The following ZIC3 variants were observed in gnomAD, a reference collection of about 807,000 sequenced individuals.
ZIC3 encodes the protein Zic family zinc finger 3, also known as zinc finger protein ZIC 3.
Under a neutral mutation model 18.3 loss-of-function variants are expected in ZIC3, and 6 were observed. The observed-to-expected ratio is 0.33, with a 90% confidence interval of 0.18 to 0.65. The LOEUF (loss-of-function observed/expected upper bound fraction) is 0.65. Among genes scored for constraint, ZIC3 ranks in the 30% least tolerant of loss-of-function variants. The probability of loss-of-function intolerance (pLI) is 0.75; values close to 1 mark genes in which losing one functional copy is unlikely to be tolerated. For synonymous variants in ZIC3, 175 were observed against 177.0 expected, an observed-to-expected ratio of 0.99 and a Z score of 0.09; for missense variants, 260 against 410.0, an observed-to-expected ratio of 0.63 and a Z score of 3.16.
rs1931445928 is a variant in ZIC3, at chrX:137,571,983, C to G, written c.*1913C>G. Among the ~76,000 whole-genome samples, 2 of 112,034 alleles carry G rather than the reference C, an allele frequency of 1.8e-5. No homozygotes were observed. The highest frequency in any genetic ancestry group is 7.5e-4 in the South Asian group (2 of 2,664). ...TAAGTACCTCCTTTAAGGGGCAATG[C>G]TCTAGGTTTTTGGTGGCAGTCAATT... is the stretch of plus-strand genomic sequence containing the variant. On this transcript the variant is annotated 3_prime_UTR_variant, in exon 3 of 3. Transcript: ENST00000287538.
chrX:137,574,488 G>GCCCCAACCCCTCC (rs1442089012), downstream of ZIC3, among the ~76,000 whole-genome samples: 5 of 113,455 alleles, frequency 4.4e-5, no homozygotes, highest in African/African-American at 1.6e-4. Context: ...TCCGGCCGGG[G>GCCCCAACCCCTCC]CCCCAACCCC....
chrX:137,572,256 A>G (rs1464060008), downstream of ZIC3, among the ~76,000 whole-genome samples: 5 of 112,624 alleles, frequency 4.4e-5, no homozygotes, highest in African/African-American at 1.6e-4. Flanking sequence ...TTGTCAACAG[A>G]CAATTAGTTA....
chrX:137,566,958 CCACCACCAT>C lies in ZIC3; in HGVS notation c.273_281del (p.His95_His97del), dbSNP rs987869284. The C allele has an allele frequency of 8.6e-7, 1 of 1,167,188 alleles. No individual in the cohort carries two copies. On this transcript the variant is annotated inframe_deletion, in exon 1 of 3. Transcript: ENST00000287538. ...ACGCCAACGCCCTGGGCCACCATCA[CCACCACCAT>C]CACCATCATCACCACACCAGCCAGG...
chrX:137,576,576 T>A (rs925072584), downstream of ZIC3, among the ~76,000 whole-genome samples: 1 of 112,573 alleles, frequency 8.9e-6, no homozygotes, highest in Non-Finnish European at 1.9e-5. Context: ...GGTTTGATTC[T>A]GTCATAACCA....
At chrX:137,568,620 T>TC (rs1931390905) in intron 1 of ZIC3, among the ~76,000 whole-genome samples, 1 of 111,188 alleles carries the variant, frequency 9.0e-6, no homozygotes, top group Non-Finnish European at 1.9e-5. Flanking sequence ...AGGGGAAACT[T>TC]CGGAGGAGCC....
chrX:137,566,196 A>C lies in ZIC3; in HGVS notation c.-496A>C. On this transcript the variant is annotated 5_prime_UTR_variant, in exon 1 of 3. Coordinates refer to ENST00000287538, the MANE Select transcript of ZIC3 (RefSeq NM_003413.4). ...GCGCGGCGAGCGGCAAGCGGCGAGT[A>C]ACGAGCCTGCCTACTGCCCGCTGCC... The C allele has an allele frequency of 6.7e-6, 1 of 149,917 alleles. No individual in the cohort carries two copies. Among genetic ancestry groups the C allele is most frequent in the Non-Finnish European group, 1.3e-5 (1 of 78,001 alleles). 12.4% of individuals were successfully genotyped at this position (149,917 alleles called of 1,213,427 possible). A position where few individuals can be genotyped will look rare whatever the true frequency, so the allele number is the denominator to read the frequency against.
At chrX:137,574,687 C>G (rs952693789), downstream of ZIC3, among the ~76,000 whole-genome samples, 1 of 108,152 alleles carries the variant, frequency 9.2e-6, no homozygotes, top group African/African-American at 3.3e-5. Flanking sequence ...GCCGCGGCCT[C>G]GGTCGAGCTG....
In ZIC3 at chrX:137,571,852, CT is replaced by C. The variant is rs895974730; in HGVS notation, c.*1788del. On this transcript the variant is annotated 3_prime_UTR_variant, in exon 3 of 3. Coordinates refer to ENST00000287538, the MANE Select transcript of ZIC3 (RefSeq NM_003413.4). ...GCTGGAGTGGGTAGAGTATTGAGAC[CT>C]TTTTTATTAGGGTGCTGTTTGTTAT... Among the ~76,000 whole-genome samples the C allele has an allele frequency of 1.8e-5, 2 of 111,235 alleles. No individual in the cohort carries two copies. The highest frequency in any genetic ancestry group is 3.3e-5 in the African/African-American group (1 of 30,612).
chrX:137,576,614 A>C, downstream of ZIC3, among the ~76,000 whole-genome samples: 1 of 112,550 alleles, frequency 8.9e-6, no homozygotes, highest in African/African-American at 3.2e-5. Context: ...GAAAACACTA[A>C]GTTTGCTGGA....
Position 137,566,850 on chromosome X carries a change from C to G in ZIC3, c.159C>G (p.Ala53=). The G allele has an allele frequency of 8.6e-7, 1 of 1,162,467 alleles. No individual in the cohort carries two copies. The highest frequency in any genetic ancestry group is 1.1e-6 in the Non-Finnish European group (1 of 872,617). Residue 53 remains alanine, a synonymous_variant, in exon 1 of 3, where the codon GCC becomes GCG. Coordinates refer to ENST00000287538, the MANE Select transcript of ZIC3 (RefSeq NM_003413.4). ...STHAAAAAAA[A]AAFKLSPAAA... The stretch of plus-strand genomic sequence containing the variant: ...ACGCCGCCGCCGCCGCCGCCGCCGC[C>G]GCTGCCTTCAAGCTGAGCCCTGCCG...
chrX:137,570,207 A>G lies in ZIC3; in HGVS notation c.*137A>G, dbSNP rs1931418508. On this transcript the variant is annotated 3_prime_UTR_variant, in exon 3 of 3. Transcript: ENST00000287538. ...TACATCTTGTTAATTGCAATTGTCCAGGAAGGTTTTGGGCAAGATCCAAAA... is the reference window on the plus strand; with the variant it reads ...TACATCTTGTTAATTGCAATTGTCCGGGAAGGTTTTGGGCAAGATCCAAAA... The G allele has an allele frequency of 1.2e-6, 1 of 811,232 alleles. No homozygotes were observed. The highest frequency in any genetic ancestry group is 2.3e-5 in the South Asian group (1 of 42,857). The allele number at this position is 811,232 out of a possible 1,213,427, so 66.9% of individuals were successfully genotyped here.
downstream of ZIC3, chrX:137,577,057 C>T (rs757826845): frequency 1.1e-4 from 45 of 422,898 alleles, no homozygotes; most frequent in Middle Eastern, 5.7e-3. Context: ...TTATGACATT[C>T]TTTTCTAAGA....
At chrX:137,577,188 A>G (rs1602747071) in exon 3 of ZIC3, 1 of 525,486 alleles carries the variant, frequency 1.9e-6, no homozygotes, top group Non-Finnish European at 3.5e-6. Context: ...TGACGTTGGT[A>G]TGCAGCAGCC....
At position 137,566,472 on chromosome X, in the gene ZIC3, A is replaced by ACCCCCCCCC; in HGVS notation, c.-219_-218insCCCCCCCCC. The ACCCCCCCCC allele has an allele frequency of 6.6e-6, 1 of 151,011 alleles. No individual in the cohort carries two copies. The highest frequency in any genetic ancestry group is 1.1e-5 in the Non-Finnish European group (1 of 87,954). 12.4% of individuals were successfully genotyped at this position (151,011 alleles called of 1,213,427 possible). A position where few individuals can be genotyped will look rare whatever the true frequency, so the allele number is the denominator to read the frequency against. ...CTCCTCCCTCCTCCTCCCCCCGCCAACACCCCCTCCCTGCTCTTTCTTCCC... is the reference window on the plus strand; with the variant it reads ...CTCCTCCCTCCTCCTCCCCCCGCCAACCCCCCCCCCACCCCCTCCCTGCTCTTTCTTCCC... On this transcript the variant is annotated 5_prime_UTR_variant, in exon 1 of 3. Transcript: ENST00000287538.
At chrX:137,574,395 G>A (rs1309955738), downstream of ZIC3, among the ~76,000 whole-genome samples, 4 of 113,549 alleles carry the variant, frequency 3.5e-5, no homozygotes, top group Non-Finnish European at 5.6e-5. Context: ...GCCGGGAACA[G>A]ACTTTGAAGT....
downstream of ZIC3, among the ~76,000 whole-genome samples, chrX:137,576,515 C>T (rs976487349): frequency 1.8e-5 from 2 of 111,694 alleles, no homozygotes; most frequent in Non-Finnish European, 3.8e-5. Flanking sequence ...ATTGGTAGAG[C>T]TCTTGTATTT....
intron 1 of ZIC3, 46 bp from the exon 2 acceptor site, chrX:137,568,856 C>T: frequency 8.3e-7 from 1 of 1,203,780 alleles, no homozygotes; most frequent in Non-Finnish European, 1.1e-6. Flanking sequence ...TGAGAAACTC[C>T]GGCGCTGACC....
Position 137,567,771 on chromosome X carries a change from G to A in ZIC3, c.1060+20G>A, listed in dbSNP as rs1410533195. The A allele has an allele frequency of 1.5e-5, 18 of 1,210,801 alleles. No homozygotes were observed. The highest frequency in any genetic ancestry group is 1.9e-5 in the Non-Finnish European group (17 of 895,496). On this transcript the variant is annotated intron_variant, in intron 1 of 2. Transcript: ENST00000287538. Reference sequence around the variant, plus strand: ...ACACAGGTAAGGGAAAAAAGCAGGCGGGCGTGGGTTCCACTGGCGATACCC... The same window carrying A: ...ACACAGGTAAGGGAAAAAAGCAGGCAGGCGTGGGTTCCACTGGCGATACCC...
downstream of ZIC3, among the ~76,000 whole-genome samples, chrX:137,575,299 T>G (rs1040776159): frequency 8.9e-6 from 1 of 112,009 alleles, no homozygotes; most frequent in Non-Finnish European, 1.9e-5. Flanking sequence ...GTATATCTCA[T>G]TTAAACGTGA....
Sources: gnomAD v4.1 joint callset for allele counts (sites outside exome capture counted in the v4.1 genomes callset) on GRCh38, gnomAD v4.1.1 for gene constraint, MANE v1.5 for transcripts, NCBI Gene and HGNC (gene_info 2026-07-23, HGNC 2026-07-21) for gene names.